TNKS: variants seen among roughly 807,000 people sequenced by gnomAD.
The protein encoded by TNKS is tankyrase, also known as poly [ADP-ribose] polymerase tankyrase-1.
Under a neutral mutation model 135.8 loss-of-function variants are expected in TNKS, and 72 were observed. The ratio of observed to expected loss-of-function variants is 0.53; its 90% CI spans 0.44 to 0.64. TNKS has a LOEUF of 0.64. Among genes scored for constraint, TNKS ranks in the 30% least tolerant of loss-of-function variants. The pLI, the probability that TNKS is intolerant of heterozygous loss-of-function variation, is 0.00. For synonymous variants in TNKS, 849 were observed against 649.3 expected (o/e 1.31, Z -4.68); for missense variants, 1,769 against 1,674.0 (o/e 1.06, Z -0.99).
At chr8:9,640,879 A>T (rs1164358701) in intron 3 of TNKS, among the ~76,000 whole-genome samples, 2 of 145,854 alleles carry the variant, frequency 1.4e-5, no homozygotes, top group East Asian at 2.1e-4. Flanking sequence ...CATACCCAAC[A>T]TCCTTCTCAC....
At chr8:9,579,012 A>C (rs1798062334) in intron 1 of TNKS, among the ~76,000 whole-genome samples, 3 of 152,080 alleles carry the variant, frequency 2.0e-5, no homozygotes, top group Non-Finnish European at 4.4e-5. Flanking sequence ...ACTTTGCATA[A>C]TGTTGTTGTT....
chr8:9,645,595 C>A (rs1321992164), intron 3 of TNKS, among the ~76,000 whole-genome samples: 1 of 152,030 alleles, frequency 6.6e-6, no homozygotes, highest in Non-Finnish European at 1.5e-5. Context: ...TATATTAGTG[C>A]TGGGGGACTA....
chr8:9,686,521 G>T (rs532533260), intron 5 of TNKS, among the ~76,000 whole-genome samples: 1 of 152,216 alleles, frequency 6.6e-6, no homozygotes, highest in South Asian at 2.1e-4. Context: ...ATAACTCAAT[G>T]CTTATTATCT....
At chr8:9,731,965 T>C (rs997574021) in intron 14 of TNKS, among the ~76,000 whole-genome samples, 11 of 152,074 alleles carry the variant, frequency 7.2e-5, no homozygotes, top group Admixed American at 7.2e-4. Flanking sequence ...TTTTTTGTAT[T>C]TTTAGGAGAG....
At chr8:9,606,827 T>C (rs1799239403) in intron 2 of TNKS, among the ~76,000 whole-genome samples, 1 of 152,162 alleles carries the variant, frequency 6.6e-6, no homozygotes. Context: ...ATTCTTGTTT[T>C]AGCAGATCAC....
At chr8:9,655,520 G>A (rs1423156703) in intron 3 of TNKS, among the ~76,000 whole-genome samples, 4 of 152,180 alleles carry the variant, frequency 2.6e-5, no homozygotes, top group Non-Finnish European at 5.9e-5. Context: ...ACTTCACACG[G>A]CTGGGTACTC....
intron 22 of TNKS, among the ~76,000 whole-genome samples, chr8:9,763,823 A>C (rs377687916): frequency 5.3e-5 from 8 of 152,270 alleles, no homozygotes; most frequent in East Asian, 1.9e-4. Context: ...GCCTAATGCC[A>C]TTGTTATAAG....
intron 12 of TNKS, among the ~76,000 whole-genome samples, chr8:9,726,193 C>A (rs1174860574): frequency 6.6e-6 from 1 of 152,108 alleles, no homozygotes; most frequent in Non-Finnish European, 1.5e-5. Context: ...GAGTTTGTGA[C>A]CAGCCTGGGC....
At chr8:9,610,551 G>A (rs1331002537) in intron 2 of TNKS, among the ~76,000 whole-genome samples, 1 of 152,040 alleles carries the variant, frequency 6.6e-6, no homozygotes, top group Non-Finnish European at 1.5e-5. Context: ...CTGTACTGTA[G>A]TGAAAGTTTA....
At chr8:9,680,880 G>A (rs1469370938) in intron 5 of TNKS, 80 bp downstream of exon 5, 29 of 994,300 alleles carry the variant, frequency 2.9e-5, no homozygotes, top group East Asian at 2.4e-4. Context: ...ATATAAGCAC[G>A]TATACCTACA....
At chr8:9,625,852 G>A (rs955153321) in intron 3 of TNKS, among the ~76,000 whole-genome samples, 5 of 152,098 alleles carry the variant, frequency 3.3e-5, no homozygotes, top group Non-Finnish European at 2.9e-5. Context: ...ATGTTCCATG[G>A]GCATGTGAAG....
chr8:9,719,536 C>G (rs756293369), intron 11 of TNKS, among the ~76,000 whole-genome samples: 2 of 152,098 alleles, frequency 1.3e-5, no homozygotes, highest in South Asian at 2.1e-4. Context: ...AAGGAGTAAT[C>G]AAAGTCTTCA....
Position 9,585,554 on chromosome 8 carries a change from A to C in TNKS, c.898+5171A>C, listed in dbSNP as rs186245508. ...CAGAGGGAAAAAAATTAGGCAAAGG[A>C]CTTTTCATTTACAATATTGACAGCT... On this transcript the variant is annotated intron_variant, in intron 2 of 26. Transcript: ENST00000310430. Among the ~76,000 whole-genome samples the C allele has an allele frequency of 5.1e-3, 772 of 152,306 alleles. 3 individuals are homozygous for C. Among genetic ancestry groups the C allele is most frequent in the Non-Finnish European group, 7.9e-3 (539 of 68,020 alleles).
chr8:9,648,356 A>T (rs549095379), intron 3 of TNKS, among the ~76,000 whole-genome samples: 162 of 152,240 alleles, frequency 1.1e-3, no homozygotes, highest in African/African-American at 3.6e-3. Context: ...GTACAAAAAT[A>T]TTCTTTACAT....
chr8:9,655,034 G>A (rs1265482398), intron 3 of TNKS, among the ~76,000 whole-genome samples: 1 of 152,154 alleles, frequency 6.6e-6, no homozygotes, highest in Non-Finnish European at 1.5e-5. Context: ...TGGAAAATCG[G>A]GTCACTCCCA....
At chr8:9,723,687 T>C (rs1805017963) in intron 12 of TNKS, among the ~76,000 whole-genome samples, 2 of 152,206 alleles carry the variant, frequency 1.3e-5, no homozygotes, top group Non-Finnish European at 2.9e-5. Flanking sequence ...TAATTAAAAT[T>C]AAATAAAATG....
At chr8:9,769,708 C>G (rs1390059909) in intron 25 of TNKS, among the ~76,000 whole-genome samples, 1 of 150,128 alleles carries the variant, frequency 6.7e-6, no homozygotes, top group East Asian at 2.0e-4. Context: ...CAAGCTCCAC[C>G]TCCCGTGTTC....
At chr8:9,613,119 C>G (rs1352998284) in intron 2 of TNKS, among the ~76,000 whole-genome samples, 2 of 152,086 alleles carry the variant, frequency 1.3e-5, no homozygotes, top group African/African-American at 4.8e-5. Flanking sequence ...TGGACTGATG[C>G]AGTTCAAACT....
intron 3 of TNKS, among the ~76,000 whole-genome samples, chr8:9,669,686 C>T (rs112999320): frequency 0.024 from 3,698 of 152,038 alleles, 148 homozygotes; most frequent in African/African-American, 0.082. Context: ...TATATTACCA[C>T]GGATTCAGAC....
Sources: gnomAD v4.1 joint callset for allele counts (sites outside exome capture counted in the v4.1 genomes callset) on GRCh38, gnomAD v4.1.1 for gene constraint, MANE v1.5 for transcripts, NCBI Gene and HGNC (gene_info 2026-07-23, HGNC 2026-07-21) for gene names.